The following ACOXL variants were observed in gnomAD, a reference collection of about 807,000 sequenced individuals.
The protein encoded by ACOXL is acyl-coenzyme A oxidase-like protein.
ACOXL carries 70 observed loss-of-function variants against 71.9 expected under a neutral mutation model. The ratio of observed to expected loss-of-function variants is 0.97; its 90% CI spans 0.80 to 1.19. The LOEUF is 1.19. Among genes scored for constraint, ACOXL ranks in the 50% most tolerant of loss-of-function variants. ACOXL has a pLI of 0.00. For synonymous variants in ACOXL, 253 were observed against 281.6 expected (o/e 0.90, Z 1.02); for missense variants, 703 against 736.3 (o/e 0.95, Z 0.52).
chr2:110,886,975 T>A, intron 10 of ACOXL: 1 of 1,142,166 alleles, frequency 8.8e-7, no homozygotes, highest in Non-Finnish European at 1.2e-6. Context: ...TATCCCAAAC[T>A]TTTTATCTGA....
At chr2:111,009,302 T>C (rs1056397029) in intron 14 of ACOXL, among the ~76,000 whole-genome samples, 5 of 151,824 alleles carry the variant, frequency 3.3e-5, no homozygotes, top group Admixed American at 6.6e-5. Context: ...TCACTTGAGG[T>C]CAAGAGTTCG....
At position 111,029,082 on chromosome 2, in the gene ACOXL, T is replaced by A. The variant is rs76190696; in HGVS notation, c.1282-2545T>A. On this transcript the variant is annotated intron_variant, in intron 14 of 17. Transcript: ENST00000439055. Reference sequence around the variant, plus strand: ...CTTAATAAAATCTACTTCCAGAGCTTCTGAAGACTTAATGAGCAAATACAA... The same window carrying A: ...CTTAATAAAATCTACTTCCAGAGCTACTGAAGACTTAATGAGCAAATACAA... Among the ~76,000 whole-genome samples the A allele has an allele frequency of 9.4e-4, 143 of 152,346 alleles. 1 individual carries two copies. The highest frequency in any genetic ancestry group is 3.3e-3 in the African/African-American group (137 of 41,568).
chr2:110,815,300 A>C (rs1221715385), intron 9 of ACOXL, among the ~76,000 whole-genome samples: 2 of 152,248 alleles, frequency 1.3e-5, no homozygotes, highest in Non-Finnish European at 2.9e-5. Context: ...CTATAATTCA[A>C]GATGAGATTT....
rs2063556804 is a variant in ACOXL at position 111,000,169 on chromosome 2, A to G, written c.1281+4165A>G. Reference sequence around the variant, plus strand: ...TTATGATCTTAACCTGTGGGTGAGGACTTGTAGGAAAATGAGGTAAAAATT... The same window carrying G: ...TTATGATCTTAACCTGTGGGTGAGGGCTTGTAGGAAAATGAGGTAAAAATT... On this transcript the variant is annotated intron_variant, in intron 14 of 17. Transcript: ENST00000439055. 2.0e-5 allele frequency among the ~76,000 whole-genome samples: 3 copies of G among 152,142 alleles called. No individual in the cohort carries two copies. The South Asian group carries it at 6.2e-4, about 31-fold the overall frequency.
At chr2:110,975,304 A>C (rs2149501060) in intron 12 of ACOXL, among the ~76,000 whole-genome samples, 1 of 152,336 alleles carries the variant, frequency 6.6e-6, no homozygotes, top group Non-Finnish European at 1.5e-5. Context: ...CAGAAGTTGA[A>C]AGACTAGTAC....
chr2:110,953,035 A>G (rs998419840), intron 12 of ACOXL, among the ~76,000 whole-genome samples: 6 of 152,208 alleles, frequency 3.9e-5, no homozygotes, highest in African/African-American at 1.4e-4. Context: ...AATATAGCCA[A>G]CATTTGTTGA....
chr2:111,065,098 T>C (rs1319447454), intron 16 of ACOXL, among the ~76,000 whole-genome samples: 1 of 152,206 alleles, frequency 6.6e-6, no homozygotes, highest in African/African-American at 2.4e-5. Flanking sequence ...TATCCAATTT[T>C]AAGACATATA....
At chr2:110,884,372 TCTC>T (rs1342785476) in intron 10 of ACOXL, among the ~76,000 whole-genome samples, 4 of 152,210 alleles carry the variant, frequency 2.6e-5, no homozygotes, top group Non-Finnish European at 5.9e-5. Context: ...GAGAGTTTAA[TCTC>T]CTGTTTTCAG....
chr2:110,754,780 G>T (rs753325461), intron 1 of ACOXL, among the ~76,000 whole-genome samples: 1 of 152,164 alleles, frequency 6.6e-6, no homozygotes, highest in Non-Finnish European at 1.5e-5. Context: ...AAATAAAGCT[G>T]CTGTAAACAT....
intron 16 of ACOXL, among the ~76,000 whole-genome samples, chr2:111,052,749 T>C (rs1035439736): frequency 6.6e-6 from 1 of 152,154 alleles, no homozygotes; most frequent in African/African-American, 2.4e-5. Context: ...GAGAGCCCAT[T>C]TGCCCTTGGC....
At chr2:110,840,600 C>T (rs1338050086) in intron 9 of ACOXL, among the ~76,000 whole-genome samples, 1 of 152,204 alleles carries the variant, frequency 6.6e-6, no homozygotes, top group African/African-American at 2.4e-5. Context: ...TGGCCTGACC[C>T]TTGTAATCCC....
chr2:110,995,221 C>T (rs1574422924), intron 13 of ACOXL, among the ~76,000 whole-genome samples: 1 of 151,580 alleles, frequency 6.6e-6, no homozygotes, highest in South Asian at 2.1e-4. Flanking sequence ...TAATGGGGGC[C>T]AGGCACAGTG....
rs376317239 is a variant in ACOXL at position 110,931,215 on chromosome 2, G to A, written c.906-2274G>A. 9.9e-5 allele frequency among the ~76,000 whole-genome samples: 15 copies of A among 152,268 alleles called. No individual in the cohort carries two copies. In the East Asian group the frequency reaches 2.7e-3, roughly 27 times the overall value. Reference sequence around the variant, plus strand: ...GACTCCTTGGTTAAACAAATGTAAGGGTACAGCAAAGAGTAAGAGCCACTG... The same window carrying A: ...GACTCCTTGGTTAAACAAATGTAAGAGTACAGCAAAGAGTAAGAGCCACTG... On this transcript the variant is annotated intron_variant, in intron 11 of 17. Coordinates refer to ENST00000439055, the MANE Select transcript of ACOXL (RefSeq NM_001142807.4).
intron 11 of ACOXL, among the ~76,000 whole-genome samples, chr2:110,930,383 C>T (rs2060435905): frequency 6.6e-6 from 1 of 152,246 alleles, no homozygotes. Flanking sequence ...ATGCCTGTAC[C>T]ACCATTGTAT....
At chr2:111,042,017 A>G (rs1454741542) in intron 15 of ACOXL, among the ~76,000 whole-genome samples, 5 of 152,214 alleles carry the variant, frequency 3.3e-5, no homozygotes, top group African/African-American at 1.2e-4. Context: ...AGAACACGGC[A>G]GGCAGGTTGG....
chr2:110,956,953 G>T (rs1574276216), intron 12 of ACOXL, among the ~76,000 whole-genome samples: 1 of 152,176 alleles, frequency 6.6e-6, no homozygotes, highest in East Asian at 1.9e-4. Context: ...GAGAGCGGAG[G>T]AGCTGTCTAC....
At chr2:110,944,809 G>A (rs576232478) in intron 12 of ACOXL, among the ~76,000 whole-genome samples, 4 of 152,234 alleles carry the variant, frequency 2.6e-5, no homozygotes, top group East Asian at 1.9e-4. Context: ...ATGAACATAC[G>A]CGTGCATGTG....
chr2:110,773,433 A>T (rs970715403), intron 2 of ACOXL, among the ~76,000 whole-genome samples: 1 of 152,290 alleles, frequency 6.6e-6, no homozygotes, highest in South Asian at 2.1e-4. Context: ...CTGAGCCAGG[A>T]ATCTGCCAAG....
intron 16 of ACOXL, among the ~76,000 whole-genome samples, chr2:111,061,095 TA>T (rs2066792804): frequency 6.6e-6 from 1 of 151,976 alleles, no homozygotes; most frequent in Non-Finnish European, 1.5e-5. Flanking sequence ...AAGATGGAGC[TA>T]AAAAAGTACT....
Sources: gnomAD v4.1 joint callset for allele counts (sites outside exome capture counted in the v4.1 genomes callset) on GRCh38, gnomAD v4.1.1 for gene constraint, MANE v1.5 for transcripts, NCBI Gene and HGNC (gene_info 2026-07-23, HGNC 2026-07-21) for gene names.